The following TANK variants were observed in gnomAD, a reference collection of about 807,000 sequenced individuals.
TANK encodes TRAF family member associated NFKB activator.
Under a neutral mutation model 43.6 loss-of-function variants are expected in TANK, and 15 were observed. The ratio of observed to expected loss-of-function variants is 0.34; its 90% CI spans 0.23 to 0.53. The LOEUF (loss-of-function observed/expected upper bound fraction) is 0.53, where lower values mean the gene tolerates loss of function less well. TANK is among the 20% of genes least tolerant of loss of function. The pLI is 0.94. For synonymous variants in TANK, 162 were observed against 178.2 expected, an observed-to-expected ratio of 0.91 and a Z score of 0.73; for missense variants, 417 against 498.6, an observed-to-expected ratio of 0.84 and a Z score of 1.56.
intron 1 of TANK, among the ~76,000 whole-genome samples, chr2:161,151,816 T>C (rs772191559): frequency 6.6e-6 from 1 of 152,160 alleles, no homozygotes; most frequent in African/African-American, 2.4e-5. Flanking sequence ...CATTTTGCTA[T>C]TTGATTTCTG....
chr2:161,139,788 G>C, intron 1 of TANK: 1 of 985,316 alleles, frequency 1.0e-6, no homozygotes, highest in Non-Finnish European at 1.2e-6. Context: ...ACCCTATCCA[G>C]GCATAGCAGC....
chr2:161,232,113 A>T (rs905217020), intron 7 of TANK, among the ~76,000 whole-genome samples: 5 of 152,146 alleles, frequency 3.3e-5, no homozygotes, highest in African/African-American at 1.2e-4. Context: ...AGCCTAGTAT[A>T]TTTTTTAAAT....
intron 2 of TANK, chr2:161,200,413 G>GAA: frequency 5.5e-6 from 5 of 907,454 alleles, no homozygotes; most frequent in Non-Finnish European, 6.6e-6. Flanking sequence ...TTAATCAAAT[G>GAA]AAAAAAAAAA....
intron 2 of TANK, chr2:161,202,877 T>C: frequency 2.1e-6 from 1 of 468,278 alleles, no homozygotes; most frequent in Middle Eastern, 3.3e-4. Context: ...TGCAATAACA[T>C]AGCAAAATTA....
chr2:161,160,792 A>T, intron 1 of TANK: 1 of 553,762 alleles, frequency 1.8e-6, no homozygotes, highest in Non-Finnish European at 3.6e-6. Context: ...TTTGCCCGGG[A>T]AATGGGGGTG....
intron 1 of TANK, among the ~76,000 whole-genome samples, chr2:161,141,869 T>C (rs1683759238): frequency 6.6e-6 from 1 of 152,182 alleles, no homozygotes. Context: ...CTGGGTCAAA[T>C]GGTATTTCTG....
At chr2:161,181,820 C>G (rs1012156337) in intron 2 of TANK, among the ~76,000 whole-genome samples, 4 of 152,090 alleles carry the variant, frequency 2.6e-5, no homozygotes, top group Non-Finnish European at 4.4e-5. Context: ...GGAAAACTTG[C>G]ACCTAAACCT....
At chr2:161,168,894 T>A (rs539812581) in intron 1 of TANK, among the ~76,000 whole-genome samples, 2 of 152,316 alleles carry the variant, frequency 1.3e-5, no homozygotes, top group Non-Finnish European at 2.9e-5. Flanking sequence ...GAAGATAGCA[T>A]AGCAAAGCTT....
intron 1 of TANK, among the ~76,000 whole-genome samples, chr2:161,167,941 G>C (rs1684765592): frequency 6.6e-6 from 1 of 151,894 alleles, no homozygotes; most frequent in Admixed American, 6.6e-5. Context: ...GGTTTTTAAA[G>C]GCAAAAGAGA....
rs148088008 is a variant in TANK, at chr2:161,194,620, A to T, written c.100-8867A>T. On this transcript the variant is annotated intron_variant, in intron 2 of 7. Transcript: ENST00000392749. The stretch of plus-strand genomic sequence containing the variant: ...TTTTTCTGACAATAAATGTTAAGCG[A>T]TAAGGACCGTTTTGTTGTCAGATTG... Among the ~76,000 whole-genome samples the T allele has an allele frequency of 1.1e-3, 174 of 152,312 alleles. 1 individual carries two copies. Among genetic ancestry groups the T allele is most frequent in the African/African-American group, 3.9e-3 (163 of 41,584 alleles).
chr2:161,180,429 A>C (rs1228181019), intron 2 of TANK, among the ~76,000 whole-genome samples: 1 of 152,132 alleles, frequency 6.6e-6, no homozygotes, highest in Non-Finnish European at 1.5e-5. Flanking sequence ...TGAGATTTTC[A>C]CTGATCTGCA....
intron 4 of TANK, chr2:161,222,873 G>T (rs965520256): frequency 6.6e-6 from 1 of 151,804 alleles, no homozygotes; most frequent in African/African-American, 2.4e-5. Flanking sequence ...AGAAAAAACT[G>T]GGAAATAAAT....
At chr2:161,196,652 C>T (rs1686164903) in intron 2 of TANK, among the ~76,000 whole-genome samples, 1 of 152,098 alleles carries the variant, frequency 6.6e-6, no homozygotes, top group Admixed American at 6.5e-5. Flanking sequence ...GTCAGGAGTT[C>T]AAAACCAGCC....
At chr2:161,191,292 A>T (rs567837938) in intron 2 of TANK, among the ~76,000 whole-genome samples, 1 of 152,084 alleles carries the variant, frequency 6.6e-6, no homozygotes, top group Non-Finnish European at 1.5e-5. Flanking sequence ...TATTTTTTTT[A>T]AAGTAAACAA....
chr2:161,187,404 A>C (rs1024580378), intron 2 of TANK, among the ~76,000 whole-genome samples: 1 of 152,156 alleles, frequency 6.6e-6, no homozygotes, highest in Non-Finnish European at 1.5e-5. Flanking sequence ...ACTCCAGCCT[A>C]GATGACAGAG....
intron 1 of TANK, among the ~76,000 whole-genome samples, chr2:161,174,638 A>G (rs1685098836): frequency 6.6e-6 from 1 of 152,204 alleles, no homozygotes. Flanking sequence ...AGATTCTATT[A>G]TCCAAACTCT....
intron 4 of TANK, chr2:161,211,859 A>G: frequency 1.0e-6 from 1 of 985,150 alleles, no homozygotes; most frequent in Non-Finnish European, 1.2e-6. Flanking sequence ...TCCAAAGCAA[A>G]TGTACCGCTT....
chr2:161,160,123 T>C (rs1684338103), upstream of TANK: 1 of 315,458 alleles, frequency 3.2e-6, no homozygotes, highest in Non-Finnish European at 5.8e-6. Context: ...TTACTGGTTA[T>C]TTATTTACCG....
intron 2 of TANK, among the ~76,000 whole-genome samples, chr2:161,188,938 A>G (rs180901926): frequency 6.6e-6 from 1 of 152,318 alleles, no homozygotes; most frequent in Admixed American, 6.5e-5. Flanking sequence ...CTCTTCAGTC[A>G]CATGATACCT....
Sources: allele counts gnomAD v4.1 joint callset (sites outside exome capture counted in the v4.1 genomes callset), GRCh38; gene constraint gnomAD v4.1.1; transcripts MANE v1.5; gene names NCBI Gene and HGNC (gene_info 2026-07-23, HGNC 2026-07-21).